The following PREX1 variants were observed in gnomAD, a reference collection of about 807,000 sequenced individuals.
PREX1 encodes phosphatidylinositol-3,4,5-trisphosphate dependent Rac exchange factor 1.
A neutral mutation model predicts 198.3 loss-of-function variants in PREX1; 41 were observed. The observed-to-expected ratio is 0.21, with a 90% CI of 0.16 to 0.27. The LOEUF (loss-of-function observed/expected upper bound fraction) is 0.27. Among genes scored for constraint, PREX1 ranks in the 10% least tolerant of loss-of-function variants. The probability of loss-of-function intolerance (pLI) is 1.00; values close to 1 mark genes in which losing one functional copy is unlikely to be tolerated. For missense variants in PREX1, 1,620 were observed against 2,200.7 expected (o/e 0.74, Z 5.28); for synonymous variants, 843 against 887.2 (o/e 0.95, Z 0.89).
chr20:48,664,134 G>C (rs753994993), intron 15 of PREX1, among the ~76,000 whole-genome samples: 1 of 152,214 alleles, frequency 6.6e-6, no homozygotes, highest in Non-Finnish European at 1.5e-5. Flanking sequence ...CAGCACTTTG[G>C]GAAGCCAAGG....
At chr20:48,836,902 C>CAAAA in the PREX1 span, among the ~76,000 whole-genome samples, 14 of 56,076 alleles carry the variant, frequency 2.5e-4, no homozygotes, top group South Asian at 8.1e-4. Flanking sequence ...ACTCTGTCTC[C>CAAAA]AAAAAAAAAA....
intron 25 of PREX1, among the ~76,000 whole-genome samples, chr20:48,647,693 GCA>G (rs2089461679): frequency 6.6e-6 from 1 of 152,150 alleles, no homozygotes; most frequent in Non-Finnish European, 1.5e-5. Flanking sequence ...GCCTAAGTTT[GCA>G]CAGTGGATAA....
chr20:48,762,734 G>A (rs1214203896), intron 1 of PREX1, among the ~76,000 whole-genome samples: 1 of 136,078 alleles, frequency 7.3e-6, no homozygotes, highest in Non-Finnish European at 1.5e-5. Flanking sequence ...ACAAAGTCTC[G>A]CTCTGTCACC....
chr20:48,783,308 G>A (rs1008917875), intron 1 of PREX1, among the ~76,000 whole-genome samples: 1 of 152,108 alleles, frequency 6.6e-6, no homozygotes, highest in Admixed American at 6.5e-5. Context: ...AGAAACAGAG[G>A]ATGGAGAGTG....
At chr20:48,679,284 G>A (rs1052938843) in intron 13 of PREX1, 76 bp downstream of exon 13, 26 of 1,319,538 alleles carry the variant, frequency 2.0e-5, no homozygotes, top group Non-Finnish European at 2.7e-5. Context: ...AGCTCAGAGA[G>A]GTTAAGTTGC....
rs922983713 is a variant in PREX1 at position 48,791,876 on chromosome 20, C to A, written c.219+35766G>T. On this transcript the variant is annotated intron_variant, in intron 1 of 39. Transcript: ENST00000371941. The stretch of plus-strand genomic sequence containing the variant: ...ATACCAAAAACTCCACATTTCCTGC[C>A]ATTGGAAAATGTCTTTAAGAAGTCA... Among the ~76,000 whole-genome samples the A allele has an allele frequency of 8.5e-5, 13 of 152,266 alleles. 1 individual carries two copies. Among genetic ancestry groups the A allele is most frequent in the African/African-American group, 2.2e-4 (9 of 41,540 alleles).
chr20:48,842,685 CCTT>C, the PREX1 span, among the ~76,000 whole-genome samples: 1 of 151,522 alleles, frequency 6.6e-6, no homozygotes, highest in African/African-American at 2.4e-5. Flanking sequence ...ATTTCTCTCT[CCTT>C]CTTAAAATAT....
intron 28 of PREX1, 22 bp from the exon 29 acceptor site, chr20:48,642,280 G>C: frequency 6.2e-7 from 1 of 1,612,970 alleles, no homozygotes; most frequent in Non-Finnish European, 8.5e-7. Flanking sequence ...GAAGCCTGGG[G>C]TTGGTTTGGG....
the PREX1 span, among the ~76,000 whole-genome samples, chr20:48,888,027 G>C: frequency 1.3e-5 from 2 of 152,156 alleles, no homozygotes; most frequent in Non-Finnish European, 2.9e-5. Flanking sequence ...GGTCACACCT[G>C]TTGTATTAGG....
chr20:48,665,884 C>A (rs1209553160), intron 15 of PREX1, among the ~76,000 whole-genome samples: 1 of 152,154 alleles, frequency 6.6e-6, no homozygotes, highest in East Asian at 1.9e-4. Context: ...CCAGGAAGGG[C>A]TTCCTGCCTC....
At chr20:48,762,265 G>C (rs138915877) in intron 1 of PREX1, among the ~76,000 whole-genome samples, 128 of 152,236 alleles carry the variant, frequency 8.4e-4, no homozygotes, top group African/African-American at 3.0e-3. Flanking sequence ...CTCCTCAGTT[G>C]TTGATTTTTT....
At chr20:48,704,130 G>A (rs970647116) in intron 6 of PREX1, among the ~76,000 whole-genome samples, 10 of 152,240 alleles carry the variant, frequency 6.6e-5, no homozygotes. Flanking sequence ...TTACAGATGA[G>A]GAGACCGAGG....
the PREX1 span, among the ~76,000 whole-genome samples, chr20:48,886,427 C>T: frequency 3.3e-5 from 5 of 152,164 alleles, no homozygotes; most frequent in Non-Finnish European, 5.9e-5. Context: ...CACCCCCAGG[C>T]GCTGGCCAGG....
the PREX1 span, among the ~76,000 whole-genome samples, chr20:48,883,990 A>C: frequency 2.0e-5 from 3 of 151,870 alleles, no homozygotes; most frequent in Admixed American, 1.3e-4. Context: ...AATACAAAAA[A>C]CTAGCCAGGC....
chr20:48,842,542 G>GTGCAGTGAACCGTGA, the PREX1 span, among the ~76,000 whole-genome samples: 1 of 151,486 alleles, frequency 6.6e-6, no homozygotes, highest in Non-Finnish European at 1.5e-5. Flanking sequence ...CTCCAGCGTG[G>GTGCAGTGAACCGTGA]TGCAGTGAAC....
intron 14 of PREX1, among the ~76,000 whole-genome samples, chr20:48,669,716 TTGAA>T (rs1324103705): frequency 6.6e-6 from 1 of 152,152 alleles, no homozygotes; most frequent in Admixed American, 6.5e-5. Context: ...CTCGTGAGGA[TTGAA>T]TGAGACACTC....
chr20:48,704,731 T>A (rs1483800788), intron 6 of PREX1, among the ~76,000 whole-genome samples: 4 of 152,196 alleles, frequency 2.6e-5, no homozygotes, highest in African/African-American at 7.2e-5. Flanking sequence ...AATTTTTGTA[T>A]GTTTAATAGA....
chr20:48,840,935 C>T, the PREX1 span, among the ~76,000 whole-genome samples: 1 of 150,618 alleles, frequency 6.6e-6, no homozygotes, highest in Non-Finnish European at 1.5e-5. Context: ...ATGATCCTCA[C>T]ACCTCAGCCT....
intron 1 of PREX1, among the ~76,000 whole-genome samples, chr20:48,757,993 G>T (rs1332475063): frequency 6.6e-6 from 1 of 152,214 alleles, no homozygotes; most frequent in Non-Finnish European, 1.5e-5. Context: ...ATCTTAGCGG[G>T]TGTACCATGA....
Sources: gnomAD v4.1 joint callset for allele counts (sites outside exome capture counted in the v4.1 genomes callset) on GRCh38, gnomAD v4.1.1 for gene constraint, MANE v1.5 for transcripts, NCBI Gene and HGNC (gene_info 2026-07-23, HGNC 2026-07-21) for gene names.